DOCK5: variants seen among roughly 807,000 people sequenced by gnomAD.
The protein encoded by DOCK5 is dedicator of cytokinesis 5, also known as dedicator of cytokinesis protein 5.
DOCK5 carries 142 observed loss-of-function variants against 251.8 expected under a neutral mutation model. The ratio of observed to expected loss-of-function variants is 0.56; its 90% CI spans 0.49 to 0.65. The LOEUF (loss-of-function observed/expected upper bound fraction) is 0.65, where lower values mean the gene tolerates loss of function less well. Among genes scored for constraint, DOCK5 ranks in the 30% least tolerant of loss-of-function variants. DOCK5 has a pLI of 0.00. For synonymous variants in DOCK5, 842 were observed against 835.5 expected (o/e 1.01, Z -0.13); for missense variants, 2,111 against 2,312.3 (o/e 0.91, Z 1.79).
chr8:25,302,706 G>T (rs912876177), intron 10 of DOCK5, among the ~76,000 whole-genome samples: 2 of 152,190 alleles, frequency 1.3e-5, no homozygotes, highest in Non-Finnish European at 2.9e-5. Flanking sequence ...TGGTGTGTAC[G>T]CACAATGGAA....
intron 40 of DOCK5, among the ~76,000 whole-genome samples, chr8:25,387,422 G>A (rs1012493875): frequency 9.2e-5 from 14 of 151,976 alleles, no homozygotes; most frequent in South Asian, 4.2e-4. Context: ...AATCAGCGTC[G>A]ACTCCCCTGT....
chr8:25,384,667 C>G (rs1032753376), intron 40 of DOCK5, among the ~76,000 whole-genome samples: 5 of 151,756 alleles, frequency 3.3e-5, no homozygotes, highest in African/African-American at 4.8e-5. Flanking sequence ...ACCATGTTGG[C>G]CAGGCTGATC....
intron 1 of DOCK5, among the ~76,000 whole-genome samples, chr8:25,220,171 G>T (rs966256036): frequency 6.6e-6 from 1 of 150,838 alleles, no homozygotes; most frequent in African/African-American, 2.4e-5. Context: ...GTTTCGTTTC[G>T]TTCCTTTCCT....
intron 27 of DOCK5, among the ~76,000 whole-genome samples, chr8:25,357,448 G>A (rs1046162493): frequency 1.4e-5 from 2 of 142,430 alleles, no homozygotes; most frequent in South Asian, 4.4e-4. Flanking sequence ...GCAGAATCTC[G>A]GCTCACTGCG....
In DOCK5 at chr8:25,412,252, TTTGA is replaced by T. The variant is rs996574720; in HGVS notation, c.*957_*960del. ...TGGAGAATACAGTGCAATATTTCTC[TTTGA>T]TTATTTATTCCTCTTGATTGTGGAA... On this transcript the variant is annotated 3_prime_UTR_variant, in exon 52 of 52. Transcript: ENST00000276440. The T allele has an allele frequency of 2.0e-5, 3 of 152,186 alleles. No homozygotes were observed. The highest frequency in any genetic ancestry group is 7.2e-5 in the African/African-American group (3 of 41,446). 9.4% of individuals were successfully genotyped at this position (152,186 alleles called of 1,614,324 possible).
rs754489976 is a variant in DOCK5, at chr8:25,317,135, C to T, written c.1443+4C>T. On this transcript the variant is annotated splice_donor_region_variant and intron_variant, in intron 14 of 51. Coordinates refer to ENST00000276440, the MANE Select transcript of DOCK5 (RefSeq NM_024940.8). ...TGAGGAGGGCAAGCTCTTGGAGGTG[C>T]GCGGCATGGCCCAGAAATCCTGCTA... 39 of 1,611,768 alleles carry T rather than the reference C, an allele frequency of 2.4e-5. No homozygotes were observed. In the Middle Eastern group the frequency reaches 1.5e-3, roughly 61 times the overall value.
At chr8:25,391,206 T>G (rs1043890753) in intron 42 of DOCK5, among the ~76,000 whole-genome samples, 47 of 21,138 alleles carry the variant, frequency 2.2e-3, no homozygotes, top group Non-Finnish European at 4.0e-3. Flanking sequence ...CCTGTGTGTG[T>G]GTGTGTGTGT....
In DOCK5 at chr8:25,379,835, A is replaced by T. The variant is rs912538101; in HGVS notation, c.3937-470A>T. Among the ~76,000 whole-genome samples, 6 of 140,518 alleles carry T rather than the reference A, an allele frequency of 4.3e-5. No individual in the cohort carries two copies. The Admixed American group carries it at 4.6e-4, about 11-fold the overall frequency. 92.2% of individuals were successfully genotyped at this position (140,518 alleles called of 152,430 possible). Reference sequence around the variant, plus strand: ...TTAGCCTTTTTCCATCTCCACAAACAACATCACTACACCTACACACACACA... The same window carrying T: ...TTAGCCTTTTTCCATCTCCACAAACTACATCACTACACCTACACACACACA... On this transcript the variant is annotated intron_variant, in intron 38 of 51. Coordinates refer to ENST00000276440, the MANE Select transcript of DOCK5 (RefSeq NM_024940.8).
intron 18 of DOCK5, among the ~76,000 whole-genome samples, chr8:25,330,674 A>G (rs1805661688): frequency 6.6e-6 from 1 of 152,184 alleles, no homozygotes; most frequent in Admixed American, 6.5e-5. Flanking sequence ...TAGGTTTTGG[A>G]GGGTGTTGAT....
At chr8:25,275,642 C>A (rs529156874) in intron 4 of DOCK5, among the ~76,000 whole-genome samples, 1 of 152,206 alleles carries the variant, frequency 6.6e-6, no homozygotes, top group East Asian at 1.9e-4. Context: ...CGAAACCAGC[C>A]TGGCCAACAT....
intron 44 of DOCK5, 48 bp downstream of exon 44, chr8:25,392,930 A>G: frequency 6.9e-7 from 1 of 1,454,362 alleles, no homozygotes; most frequent in Non-Finnish European, 9.5e-7. Flanking sequence ...CTGTTTCCAA[A>G]TATAATAACA....
intron 1 of DOCK5, among the ~76,000 whole-genome samples, chr8:25,204,842 C>T (rs561433057): frequency 1.3e-5 from 2 of 152,190 alleles, no homozygotes; most frequent in East Asian, 3.9e-4. Context: ...ATCTCTCAGT[C>T]GTCTTTCCCA....
chr8:25,327,766 A>C (rs1410574008), intron 18 of DOCK5, among the ~76,000 whole-genome samples: 1 of 152,170 alleles, frequency 6.6e-6, no homozygotes, highest in Non-Finnish European at 1.5e-5. Flanking sequence ...GTTGGACAAA[A>C]GGTACAAAAG....
Position 25,278,609 on chromosome 8 carries a change from CA to C in DOCK5, c.266del (p.Gln89ArgfsTer19). The C allele has an allele frequency of 1.2e-6, 2 of 1,613,970 alleles. No homozygotes were observed. The highest frequency in any genetic ancestry group is 1.7e-6 in the Non-Finnish European group (2 of 1,179,874). On this transcript the variant is annotated frameshift_variant, in exon 5 of 52. Transcript: ENST00000276440. LOFTEE classifies it high-confidence loss of function. ...GATTCCTGGCGAGCTCCCCCTGGTGCAGGAGCTCACGTCCACTCTGCGAGAA... is the reference window on the plus strand; with the variant it reads ...GATTCCTGGCGAGCTCCCCCTGGTGCGGAGCTCACGTCCACTCTGCGAGAA... Reference protein sequence around the residue: ...TVIPGELPLVQELTSTLREWA... With the variant: ...TVIPGELPLVXELTSTLREWA...
intron 1 of DOCK5, among the ~76,000 whole-genome samples, chr8:25,236,191 G>A (rs985202514): frequency 2.0e-5 from 3 of 152,146 alleles, no homozygotes; most frequent in Non-Finnish European, 4.4e-5. Flanking sequence ...AATCCTGTAA[G>A]AGCCTGCTCT....
intron 1 of DOCK5, among the ~76,000 whole-genome samples, chr8:25,229,673 A>G (rs1802619809): frequency 6.6e-6 from 1 of 152,164 alleles, no homozygotes; most frequent in Non-Finnish European, 1.5e-5. Context: ...GCTTACATAT[A>G]TATATGAAGA....
At chr8:25,232,452 G>A (rs1802690821) in intron 1 of DOCK5, among the ~76,000 whole-genome samples, 2 of 152,226 alleles carry the variant, frequency 1.3e-5, no homozygotes, top group Admixed American at 1.3e-4. Flanking sequence ...CTCATAGACT[G>A]GGTGGCTAGT....
intron 48 of DOCK5, among the ~76,000 whole-genome samples, chr8:25,404,086 G>C (rs1232216541): frequency 1.3e-5 from 2 of 151,952 alleles, no homozygotes; most frequent in East Asian, 3.9e-4. Context: ...TTTAATCTGA[G>C]ACTTCCCACT....
At chr8:25,378,198 C>T (rs529605712) in intron 38 of DOCK5, among the ~76,000 whole-genome samples, 2 of 152,256 alleles carry the variant, frequency 1.3e-5, no homozygotes, top group East Asian at 1.9e-4. Flanking sequence ...CATGGCAGCC[C>T]CCATCCTGAG....
Sources: gnomAD v4.1 joint callset for allele counts (sites outside exome capture counted in the v4.1 genomes callset) on GRCh38, gnomAD v4.1.1 for gene constraint, MANE v1.5 for transcripts, NCBI Gene and HGNC (gene_info 2026-07-23, HGNC 2026-07-21) for gene names.